Variants in PSMD2 observed in about 807,000 individuals in gnomAD.
The protein encoded by PSMD2 is 26S proteasome non-ATPase regulatory subunit 2.
Under a neutral mutation model 101.5 loss-of-function variants are expected in PSMD2, and 8 were observed. The ratio of observed to expected loss-of-function variants is 0.08; its 90% CI spans 0.05 to 0.14. PSMD2 has a LOEUF of 0.14. PSMD2 is among the 10% of genes least tolerant of loss of function. PSMD2 has a pLI of 1.00. For missense variants in PSMD2, 784 were observed against 1,147.4 expected (o/e 0.68, Z 4.58); for synonymous variants, 418 against 433.8 (o/e 0.96, Z 0.45).
chr3:184,307,379 T>C lies in PSMD2; in HGVS notation c.2057T>C (p.Leu686Pro), dbSNP rs1363584389. The change falls in exon 17 of 21, where the codon CTC (leucine) becomes CCC (proline). Residue 686 changes from leucine (L) to proline (P), a missense_variant. Transcript: ENST00000310118. ...GHLLRYGEPT[L>P]RRAVPLALAL... ...CAGCTGAGATATGGGGAGCCTACAC[T>C]CCGGAGGGCTGTACCTTTAGCACTG... The C allele has an allele frequency of 6.2e-7, 1 of 1,614,072 alleles. No individual in the cohort carries two copies. The highest frequency in any genetic ancestry group is 2.2e-5 in the East Asian group (1 of 44,896).
At chr3:184,303,911 A>G (rs762732901) in intron 10 of PSMD2, 36 bp from the exon 11 acceptor site, 1 of 1,614,148 alleles carries the variant, frequency 6.2e-7, no homozygotes, top group Non-Finnish European at 8.5e-7. Context: ...AGGAAGATAG[A>G]GTATCCTGAG....
rs1457255828 is a variant in PSMD2, at chr3:184,301,643, G to A, written c.464G>A (p.Gly155Asp). Reference protein sequence around the residue: ...VGSQEELASWGHEYVRHLAGE... With the variant: ...VGSQEELASWDHEYVRHLAGE... The stretch of plus-strand genomic sequence containing the variant: ...TCCCAGGAGGAATTGGCATCATGGG[G>A]TCATGAGTATGTCAGGTAAGATCTT... The change falls in exon 4 of 21, where the codon GGT (glycine) becomes GAT (aspartate). Residue 155 changes from glycine (G) to aspartate (D), a missense_variant. By Grantham distance (94) the Gly-to-Asp change is moderately conservative (BLOSUM62 -1). Coordinates refer to ENST00000310118, the MANE Select transcript of PSMD2 (RefSeq NM_002808.5). 1 of 1,614,232 alleles carries A rather than the reference G, an allele frequency of 6.2e-7. No homozygotes were observed. The highest frequency in any genetic ancestry group is 8.5e-7 in the Non-Finnish European group (1 of 1,180,052).
chr3:184,302,039 T>C lies in PSMD2; in HGVS notation c.672T>C (p.Asn224=). The change falls in exon 5 of 21, where the codon AAT becomes AAC. Residue 224 remains asparagine, a synonymous_variant. Transcript: ENST00000310118. ...TGCTGGAGAAGGACATTGATGAAAA[T>C]GCATATGCAAAGGTCTGCCTTTATC... ...VDMLEKDIDE[N]AYAKVCLYLT... The C allele has an allele frequency of 1.2e-6, 2 of 1,614,130 alleles. No homozygotes were observed. The highest frequency in any genetic ancestry group is 1.7e-6 in the Non-Finnish European group (2 of 1,180,036).
chr3:184,303,152 A>G (rs543168432), intron 8 of PSMD2, 90 bp downstream of exon 8: 29 of 1,520,094 alleles, frequency 1.9e-5, no homozygotes, highest in East Asian at 4.5e-5. Flanking sequence ...TGCTTATCCT[A>G]TCGAGCTCAG....
At chr3:184,302,195 T>G (rs1721668772) in intron 5 of PSMD2, 124 bp downstream of exon 5, 1 of 1,230,906 alleles carries the variant, frequency 8.1e-7, no homozygotes, top group South Asian at 1.4e-5. Context: ...GTTAATCTTT[T>G]GATGTGTGTG....
At position 184,308,480 on chromosome 3, in the gene PSMD2, T is replaced by C. The variant is rs1330601247; in HGVS notation, c.2457T>C (p.Tyr819=). The change falls in exon 20 of 21, where the codon TAT becomes TAC. Residue 819 remains tyrosine, a synonymous_variant. Coordinates refer to ENST00000310118, the MANE Select transcript of PSMD2 (RefSeq NM_002808.5). This position sits in a 1 kb window ranked among gnomAD's most constrained non-coding sequence, Gnocchi z 6.0. The stretch of plus-strand genomic sequence containing the variant: ...TAGGCAAATCACACTATGTATTGTA[T>C]GGGCTGGTGGCTGCCATGCAGCCCC... The part of the protein sequence containing the change: ...IILGKSHYVL[Y]GLVAAMQPRM... 11 of 1,612,228 alleles carry C rather than the reference T, an allele frequency of 6.8e-6. No homozygotes were observed. The highest frequency in any genetic ancestry group is 8.5e-6 in the Non-Finnish European group (10 of 1,179,782).
intron 15 of PSMD2, 24 bp from the exon 16 acceptor site, chr3:184,306,727 G>A (rs1262749170): frequency 6.2e-7 from 1 of 1,605,058 alleles, no homozygotes; most frequent in Non-Finnish European, 8.5e-7. Context: ...AGCTTAATGG[G>A]TTCTGCTCTC....
rs1198426994 is a variant in PSMD2, at chr3:184,308,975, T to G, written c.*85T>G. 7.2e-7 allele frequency: 1 copy of G among 1,389,374 alleles called. No individual in the cohort carries two copies. Among genetic ancestry groups the G allele is most frequent in the Non-Finnish European group, 9.9e-7 (1 of 1,013,866 alleles). The allele number at this position is 1,389,374 out of a possible 1,614,324, so 86.1% of individuals were successfully genotyped here. ...CCAAGGGTGGACACGGCTGCAGACT[T>G]CTGGGGGAATTGTCGCCTCCTGCTC... On this transcript the variant is annotated 3_prime_UTR_variant, in exon 21 of 21. Coordinates refer to ENST00000310118, the MANE Select transcript of PSMD2 (RefSeq NM_002808.5). The surrounding 1 kb of genome is among the most constrained non-coding windows in gnomAD (Gnocchi z 6.0).
chr3:184,303,036 T>C lies in PSMD2; in HGVS notation c.1043T>C (p.Ile348Thr). The C allele has an allele frequency of 6.2e-7, 1 of 1,614,092 alleles. No homozygotes were observed. The highest frequency in any genetic ancestry group is 8.5e-7 in the Non-Finnish European group (1 of 1,180,016). ...ATGGAGCCCAAGGTGCCTGATGACATCTACAAAACCCACCTAGAGAACAAC... is the reference window on the plus strand; with the variant it reads ...ATGGAGCCCAAGGTGCCTGATGACACCTACAAAACCCACCTAGAGAACAAC... ...DIMEPKVPDD[I>T]YKTHLENNRF... is the part of the protein sequence containing the mutation. The change falls in exon 8 of 21, where the codon ATC (isoleucine) becomes ACC (threonine). Residue 348 changes from isoleucine to threonine, a missense_variant. Around this residue, in one of 6 missense-constraint regions of PSMD2, gnomAD observed 208 missense variants for 301.6 expected, o/e 0.69. Transcript: ENST00000310118.
chr3:184,308,370 C>A lies in PSMD2; in HGVS notation c.2426-79C>A. 1 of 1,169,444 alleles carries A rather than the reference C, an allele frequency of 8.6e-7. No individual in the cohort carries two copies. The highest frequency in any genetic ancestry group is 1.2e-6 in the Non-Finnish European group (1 of 810,690). The allele number at this position is 1,169,444 out of a possible 1,614,324, so 72.4% of individuals were successfully genotyped here. The stretch of plus-strand genomic sequence containing the variant: ...TATGACTGACGGGTTAAAGGGTCAG[C>A]GCTGAGGTGGGCTCTCAATGTTTCT... On this transcript the variant is annotated intron_variant, in intron 19 of 20. Transcript: ENST00000310118. The surrounding 1 kb of genome is among the most constrained non-coding windows in gnomAD (Gnocchi z 6.0).
rs1721946315 is a variant in PSMD2, at chr3:184,309,050, A to G, written c.*160A>G. ...TGTTCAATAAAGACTTTTATCCCCA[A>G]GGTCTCTCTGTGTCTGTTTTCTGGG... is the stretch of plus-strand genomic sequence containing the variant. On this transcript the variant is annotated 3_prime_UTR_variant, in exon 21 of 21. Coordinates refer to ENST00000310118, the MANE Select transcript of PSMD2 (RefSeq NM_002808.5). 7 of 747,154 alleles carry G rather than the reference A, an allele frequency of 9.4e-6. No individual in the cohort carries two copies. The highest frequency in any genetic ancestry group is 3.7e-5 in the South Asian group (2 of 53,746). 46.3% of individuals were successfully genotyped at this position (747,154 alleles called of 1,614,324 possible).
rs745938160 is a variant in PSMD2 at position 184,306,527 on chromosome 3, G to A, written c.1950+32G>A. The A allele has an allele frequency of 3.1e-6, 5 of 1,603,208 alleles. No individual in the cohort carries two copies. In the Admixed American group the frequency reaches 5.2e-5, roughly 17 times the overall value. On this transcript the variant is annotated intron_variant, in intron 15 of 20. Transcript: ENST00000310118. ...TGGGCAGCTGGGCACTTGCAGAGAGGCTGTGAGAAGAGATAAGCATATAGG... is the reference window on the plus strand; with the variant it reads ...TGGGCAGCTGGGCACTTGCAGAGAGACTGTGAGAAGAGATAAGCATATAGG...
At chr3:184,306,019 C>G in intron 13 of PSMD2, 35 bp from the exon 14 acceptor site, 2 of 1,613,552 alleles carry the variant, frequency 1.2e-6, no homozygotes, top group Non-Finnish European at 1.7e-6. Flanking sequence ...TGGATGGAGG[C>G]AAGTATCCTC....
chr3:184,302,701 T>C lies in PSMD2; in HGVS notation c.886T>C (p.Phe296Leu), dbSNP rs1721686617. 3 of 1,614,110 alleles carry C rather than the reference T, an allele frequency of 1.9e-6. No homozygotes were observed. Among genetic ancestry groups the C allele is most frequent in the Non-Finnish European group, 2.5e-6 (3 of 1,180,032 alleles). ...KDVVVQKQMAFMLGRHGVFLE... is the reference protein window; with the variant it reads ...KDVVVQKQMALMLGRHGVFLE... ...CAGGGTAGTACAGAAACAGATGGCA[T>C]TCATGCTAGGCCGGCATGGGGTGTT... Residue 296 changes from phenylalanine (F) to leucine (L), a missense_variant, in exon 7 of 21, where the codon TTC becomes CTC. This residue lies in a region of PSMD2 where 208 missense variants were observed against 301.6 expected (regional missense o/e 0.69). Coordinates refer to ENST00000310118, the MANE Select transcript of PSMD2 (RefSeq NM_002808.5).
chr3:184,301,721 T>A, intron 4 of PSMD2, 63 bp downstream of exon 4: 2 of 1,610,512 alleles, frequency 1.2e-6, no homozygotes, highest in African/African-American at 2.7e-5. Flanking sequence ...TTCAGAATTT[T>A]CTTGTGGAGT....
rs573576507 is a variant in PSMD2, at chr3:184,300,227, G to C, written c.193-53G>C. Reference sequence around the variant, plus strand: ...GTTAAGTTAAATATCTCTGTATTATGACTTGAAGGGGTGTGACTCCTTTTT... The same window carrying C: ...GTTAAGTTAAATATCTCTGTATTATCACTTGAAGGGGTGTGACTCCTTTTT... On this transcript the variant is annotated intron_variant, in intron 2 of 20. Coordinates refer to ENST00000310118, the MANE Select transcript of PSMD2 (RefSeq NM_002808.5). 164 of 1,506,326 alleles carry C rather than the reference G, an allele frequency of 1.1e-4. No individual in the cohort carries two copies. In the African/African-American group the frequency reaches 2.0e-3, roughly 18 times the overall value. The allele number at this position is 1,506,326 out of a possible 1,614,324, so 93.3% of individuals were successfully genotyped here.
rs557095927 is a variant in PSMD2, at chr3:184,305,648, T to C, written c.1540-120T>C. 5.5e-5 allele frequency: 50 copies of C among 909,346 alleles called. No homozygotes were observed. In the South Asian group the frequency reaches 7.9e-4, roughly 14 times the overall value. 56.3% of individuals were successfully genotyped at this position (909,346 alleles called of 1,614,324 possible). A position where few individuals can be genotyped will look rare whatever the true frequency, so the allele number is the denominator to read the frequency against. Reference sequence around the variant, plus strand: ...ATGACTACTATTGTTATTTTGATATTATGAACTAATGTTATTAGGGAGAAT... The same window carrying C: ...ATGACTACTATTGTTATTTTGATATCATGAACTAATGTTATTAGGGAGAAT... On this transcript the variant is annotated intron_variant, in intron 12 of 20. Transcript: ENST00000310118.
Position 184,299,852 on chromosome 3 carries a change from C to T in PSMD2, c.137C>T (p.Ser46Phe). The change falls in exon 2 of 21, where the codon TCT (serine) becomes TTT (phenylalanine). Residue 46 changes from serine to phenylalanine, a missense_variant and splice_region_variant. Around this residue, in one of 6 missense-constraint regions of PSMD2, gnomAD observed 196 missense variants for 182.4 expected, o/e 1.07. Coordinates refer to ENST00000310118, the MANE Select transcript of PSMD2 (RefSeq NM_002808.5). Reference sequence around the variant, plus strand: ...GAGCTGCTTCTCCCAACCCTCCAGTCTGAAGAGGATAAACAGCTTCAAGAT... The same window carrying T: ...GAGCTGCTTCTCCCAACCCTCCAGTTTGAAGAGGATAAACAGCTTCAAGAT... Reference protein sequence around the residue: ...AGDKDKEQELSEEDKQLQDEL... With the variant: ...AGDKDKEQELFEEDKQLQDEL... 1.2e-6 allele frequency: 2 copies of T among 1,613,082 alleles called. No individual in the cohort carries two copies. Among genetic ancestry groups the T allele is most frequent in the Non-Finnish European group, 1.7e-6 (2 of 1,179,064 alleles).
chr3:184,302,976 A>T (rs746760675), intron 7 of PSMD2, 26 bp from the exon 8 acceptor site: 2 of 1,613,906 alleles, frequency 1.2e-6, no homozygotes, highest in Admixed American at 3.3e-5. Flanking sequence ...TAGGGAAGCA[A>T]TTGTGACCCT....
Sources: allele counts gnomAD v4.1 joint callset, GRCh38; gene constraint gnomAD v4.1.1; regional missense constraint gnomAD v4.1.1; non-coding constraint Gnocchi (gnomAD v3.1); transcripts MANE v1.5; gene names NCBI Gene and HGNC (gene_info 2026-07-23, HGNC 2026-07-21).